Variants in WHRN observed in about 807,000 individuals in gnomAD.
The protein encoded by WHRN is CASK-interacting protein CIP98.
A neutral mutation model predicts 68.3 loss-of-function variants in WHRN; 41 were observed. The observed-to-expected ratio is 0.60, with a 90% CI of 0.47 to 0.78. The LOEUF is 0.78. Among genes scored for constraint, WHRN ranks in the 30% least tolerant of loss-of-function variants. WHRN has a pLI of 0.00. For missense variants in WHRN, 1,243 were observed against 1,244.7 expected (o/e 1.00, Z 0.02); for synonymous variants, 560 against 561.3 (o/e 1.00, Z 0.03).
At chr9:114,412,135 C>T (rs1366203557) in intron 7 of WHRN, among the ~76,000 whole-genome samples, 1 of 152,188 alleles carries the variant, frequency 6.6e-6, no homozygotes, top group African/African-American at 2.4e-5. Flanking sequence ...GAGCCCAGCC[C>T]TCTGAGCCCA....
Position 114,402,820 on chromosome 9 carries a change from C to T in WHRN, c.2658G>A (p.Glu886=). 6.2e-7 allele frequency: 1 copy of T among 1,614,114 alleles called. No homozygotes were observed. Among genetic ancestry groups the T allele is most frequent in the Non-Finnish European group, 8.5e-7 (1 of 1,180,034 alleles). ...AGTCACGGTCCTTAGTCTTGAAGGC[C>T]TCGGCGATAATGCGGGCGGCCTCCC... ...EHREAARIIA[E]AFKTKDRDYI... Residue 886 remains glutamate, a synonymous_variant, in exon 12 of 12, where the codon GAG becomes GAA. Coordinates refer to ENST00000362057, the MANE Select transcript of WHRN (RefSeq NM_015404.4).
Position 114,494,602 on chromosome 9 carries a change from C to G in WHRN, c.618+9582G>C, listed in dbSNP as rs142171343. 6.7e-3 allele frequency among the ~76,000 whole-genome samples: 1,019 copies of G among 152,310 alleles called. 40 individuals carry two copies. The highest frequency in any genetic ancestry group is 0.06 in the Admixed American group (919 of 15,286). On this transcript the variant is annotated intron_variant, in intron 1 of 11. Transcript: ENST00000362057. ...GAGCACTGTGGGGCATCCCTTCTCT[C>G]TGCTGTTGGGGCAAAGACGCAACCC...
chr9:114,430,842 T>G (rs997435965), intron 3 of WHRN, among the ~76,000 whole-genome samples: 2 of 152,158 alleles, frequency 1.3e-5, no homozygotes, highest in Non-Finnish European at 2.9e-5. Flanking sequence ...TGTCTCTTCT[T>G]CCTCCAGAGC....
intron 3 of WHRN, among the ~76,000 whole-genome samples, chr9:114,437,590 T>C (rs751133063): frequency 5.9e-5 from 9 of 151,984 alleles, no homozygotes; most frequent in African/African-American, 1.7e-4. Context: ...AATGGTGGGG[T>C]CCTAATCCAA....
chr9:114,407,137 G>A (rs185844888), intron 8 of WHRN, among the ~76,000 whole-genome samples: 2 of 152,364 alleles, frequency 1.3e-5, no homozygotes, highest in African/African-American at 4.8e-5. Context: ...TTTGGGAACT[G>A]AAGTTCTTGG....
At chr9:114,447,222 G>T (rs1405933952) in intron 3 of WHRN, among the ~76,000 whole-genome samples, 1 of 152,100 alleles carries the variant, frequency 6.6e-6, no homozygotes, top group African/African-American at 2.4e-5. Flanking sequence ...CCCCTCACCT[G>T]GACTGACTGC....
intron 1 of WHRN, among the ~76,000 whole-genome samples, chr9:114,493,085 C>T (rs1843127831): frequency 6.6e-6 from 1 of 152,102 alleles, no homozygotes; most frequent in African/African-American, 2.4e-5. Context: ...CACAGTGGCT[C>T]ACGCCTGTAA....
chr9:114,483,558 G>T (rs1205296199), intron 1 of WHRN, among the ~76,000 whole-genome samples: 18 of 151,938 alleles, frequency 1.2e-4, no homozygotes, highest in Non-Finnish European at 1.5e-5. Flanking sequence ...CCACCTGGGG[G>T]ATCGCGAGAT....
At chr9:114,448,337 G>C (rs985861553) in intron 3 of WHRN, among the ~76,000 whole-genome samples, 8 of 152,150 alleles carry the variant, frequency 5.3e-5, no homozygotes, top group African/African-American at 1.9e-4. Context: ...GCAAAAACTG[G>C]AAGAGCGGTT....
chr9:114,417,609 T>C (rs549671968), intron 7 of WHRN, among the ~76,000 whole-genome samples: 1 of 152,204 alleles, frequency 6.6e-6, no homozygotes, highest in Non-Finnish European at 1.5e-5. Flanking sequence ...GTGTGTGAGC[T>C]CCATGCAGGA....
chr9:114,428,391 T>C (rs1322682936), intron 3 of WHRN, among the ~76,000 whole-genome samples: 1 of 152,202 alleles, frequency 6.6e-6, no homozygotes, highest in Non-Finnish European at 1.5e-5. Flanking sequence ...TCCAGGACCA[T>C]CTCTGCTGCA....
At chr9:114,460,905 A>C (rs556382364) in intron 3 of WHRN, among the ~76,000 whole-genome samples, 1 of 152,368 alleles carries the variant, frequency 6.6e-6, no homozygotes, top group Non-Finnish European at 1.5e-5. Context: ...CAATATGCCT[A>C]ATTCCACTGA....
chr9:114,463,327 T>A (rs1589192983), intron 3 of WHRN, among the ~76,000 whole-genome samples: 1 of 152,224 alleles, frequency 6.6e-6, no homozygotes, highest in African/African-American at 2.4e-5. Context: ...TCCTGCTTCA[T>A]CTCTTTTCCT....
rs560172230 is a variant in WHRN, at chr9:114,484,200, C to G, written c.619-5429G>C. Among the ~76,000 whole-genome samples, 8 of 152,338 alleles carry G rather than the reference C, an allele frequency of 5.3e-5. No homozygotes were observed. In the South Asian group the frequency reaches 1.7e-3, roughly 32 times the overall value. On this transcript the variant is annotated intron_variant, in intron 1 of 11. Coordinates refer to ENST00000362057, the MANE Select transcript of WHRN (RefSeq NM_015404.4). Reference sequence around the variant, plus strand: ...GGAGATTTTGACAGGACTTGAAGGCCAGAGGGCTGCCCCTCCGAGGCCACG... The same window carrying G: ...GGAGATTTTGACAGGACTTGAAGGCGAGAGGGCTGCCCCTCCGAGGCCACG...
intron 3 of WHRN, among the ~76,000 whole-genome samples, chr9:114,429,521 T>C (rs1837213776): frequency 6.6e-6 from 1 of 152,236 alleles, no homozygotes; most frequent in African/African-American, 2.4e-5. Flanking sequence ...CCACATGCTT[T>C]CACCATGCCC....
At chr9:114,479,360 A>C (rs1841921193) in intron 1 of WHRN, among the ~76,000 whole-genome samples, 1 of 152,148 alleles carries the variant, frequency 6.6e-6, no homozygotes, top group South Asian at 2.1e-4. Context: ...ACTCACAGGG[A>C]GGGGACCCGT....
intron 1 of WHRN, among the ~76,000 whole-genome samples, chr9:114,496,310 G>A (rs1843453692): frequency 6.6e-6 from 1 of 152,020 alleles, no homozygotes; most frequent in African/African-American, 2.4e-5. Flanking sequence ...GACGGTGGGG[G>A]GACACAGAAT....
intron 1 of WHRN, among the ~76,000 whole-genome samples, chr9:114,480,388 T>C (rs2133158116): frequency 6.6e-6 from 1 of 152,302 alleles, no homozygotes; most frequent in Non-Finnish European, 1.5e-5. Context: ...CTCAATGTGA[T>C]GGTACTTTGG....
intron 3 of WHRN, among the ~76,000 whole-genome samples, chr9:114,446,809 A>G (rs1176472943): frequency 6.6e-6 from 1 of 151,142 alleles, no homozygotes; most frequent in African/African-American, 2.4e-5. Flanking sequence ...ACCCTCACTC[A>G]CTCCTAGTGC....
Sources: allele counts gnomAD v4.1 joint callset (sites outside exome capture counted in the v4.1 genomes callset), GRCh38; gene constraint gnomAD v4.1.1; transcripts MANE v1.5; gene names NCBI Gene and HGNC (gene_info 2026-07-23, HGNC 2026-07-21).